Variants in EYS observed in about 807,000 individuals in gnomAD.
EYS encodes protein eyes shut homolog.
Under a neutral mutation model 282.1 loss-of-function variants are expected in EYS, and 250 were observed. The ratio of observed to expected loss-of-function variants is 0.89; its 90% CI spans 0.80 to 0.98. EYS has a LOEUF of 0.98. EYS is among the 50% of genes least tolerant of loss of function. EYS has a pLI of 0.00. For missense variants in EYS, 4,016 were observed against 3,709.0 expected (o/e 1.08, Z -2.15); for synonymous variants, 1,355 against 1,282.9 (o/e 1.06, Z -1.20).
At chr6:64,476,059 A>G (rs559099217) in intron 26 of EYS, among the ~76,000 whole-genome samples, 8 of 152,212 alleles carry the variant, frequency 5.3e-5, no homozygotes, top group Admixed American at 1.3e-4. Context: ...CCAAAGTGCT[A>G]GGATTACAGG....
intron 26 of EYS, among the ~76,000 whole-genome samples, chr6:64,440,893 T>C: frequency 6.6e-6 from 1 of 152,230 alleles, no homozygotes; most frequent in East Asian, 1.9e-4. Flanking sequence ...ATGGATGAAT[T>C]TCACTCATCA....
intron 31 of EYS, among the ~76,000 whole-genome samples, chr6:64,202,865 G>A (rs528091621): frequency 7.2e-5 from 11 of 152,294 alleles, no homozygotes; most frequent in Middle Eastern, 3.4e-3. Context: ...CCAATAGCTG[G>A]AAAAGGCAAG....
At chr6:64,632,890 G>A (rs1317164744) in intron 22 of EYS, among the ~76,000 whole-genome samples, 1 of 151,970 alleles carries the variant, frequency 6.6e-6, no homozygotes, top group African/African-American at 2.4e-5. Context: ...TAAAAATACA[G>A]GTATTTTAAA....
At chr6:65,604,495 C>A (rs1187558561) in intron 2 of EYS, among the ~76,000 whole-genome samples, 1 of 151,838 alleles carries the variant, frequency 6.6e-6, no homozygotes, top group Non-Finnish European at 1.5e-5. Flanking sequence ...TACAAACTAT[C>A]CACATGAGTA....
chr6:64,901,416 G>A (rs909577259), intron 18 of EYS, among the ~76,000 whole-genome samples: 64 of 151,248 alleles, frequency 4.2e-4, no homozygotes, highest in African/African-American at 1.4e-3. Context: ...AATGCAGGGA[G>A]ACTACAATAA....
intron 35 of EYS, among the ~76,000 whole-genome samples, chr6:63,944,365 A>C (rs1765330474): frequency 6.6e-6 from 1 of 152,244 alleles, no homozygotes; most frequent in African/African-American, 2.4e-5. Context: ...AGAGACTGTT[A>C]GTACATTTTA....
intron 12 of EYS, among the ~76,000 whole-genome samples, chr6:65,125,065 C>T (rs1222735879): frequency 6.6e-6 from 1 of 152,148 alleles, no homozygotes; most frequent in Non-Finnish European, 1.5e-5. Flanking sequence ...TAGGAAGGGT[C>T]ATTTGTCTAA....
intron 30 of EYS, among the ~76,000 whole-genome samples, chr6:64,286,800 A>G (rs1324812314): frequency 6.6e-6 from 1 of 152,192 alleles, no homozygotes; most frequent in African/African-American, 2.4e-5. Flanking sequence ...TGACATTGTT[A>G]ATATTTTCAT....
chr6:65,455,192 C>T lies in EYS; in HGVS notation c.862+35402G>A, dbSNP rs1319444669. ...TGATTTCTTTTATAAAAATTTTATA[C>T]TTTTCAGTTTAGAGATCTTTCTCCT... On this transcript the variant is annotated intron_variant, in intron 5 of 42. Coordinates refer to ENST00000503581, the MANE Select transcript of EYS (RefSeq NM_001142800.2). 3.3e-5 allele frequency among the ~76,000 whole-genome samples: 5 copies of T among 152,000 alleles called. No individual in the cohort carries two copies. In the East Asian group the frequency reaches 9.6e-4, roughly 29 times the overall value.
chr6:64,997,961 G>T lies in EYS; in HGVS notation c.2138-258C>A, dbSNP rs151005359. ...TACTATGGACATTTGGTAATAGTTT[G>T]CAAAGCAACAATGAAAATATCCAAT... On this transcript the variant is annotated intron_variant, in intron 13 of 42. Coordinates refer to ENST00000503581, the MANE Select transcript of EYS (RefSeq NM_001142800.2). Among the ~76,000 whole-genome samples, 23 of 151,966 alleles carry T rather than the reference G, an allele frequency of 1.5e-4. 1 individual carries two copies. In the East Asian group the frequency reaches 2.1e-3, roughly 14 times the overall value.
At chr6:64,200,092 A>G (rs887042138) in intron 31 of EYS, among the ~76,000 whole-genome samples, 2 of 152,192 alleles carry the variant, frequency 1.3e-5, no homozygotes, top group African/African-American at 4.8e-5. Context: ...GCTATAAACT[A>G]TATAATCCCA....
chr6:65,031,128 A>T (rs1772589052), intron 13 of EYS, among the ~76,000 whole-genome samples: 1 of 146,568 alleles, frequency 6.8e-6, no homozygotes, highest in South Asian at 2.1e-4. Flanking sequence ...CATATTATAT[A>T]TAATATTTTA....
intron 22 of EYS, among the ~76,000 whole-genome samples, chr6:64,809,009 G>C (rs180792337): frequency 6.6e-6 from 1 of 152,120 alleles, no homozygotes; most frequent in East Asian, 1.9e-4. Flanking sequence ...GTAAAAATAG[G>C]CTTTCATGGA....
chr6:65,637,270 C>T (rs1306921241), intron 2 of EYS, among the ~76,000 whole-genome samples: 1 of 151,984 alleles, frequency 6.6e-6, no homozygotes, highest in Non-Finnish European at 1.5e-5. Context: ...TCATTTAATC[C>T]TCACATTAAT....
At chr6:64,662,054 T>G (rs1769048257) in intron 22 of EYS, among the ~76,000 whole-genome samples, 1 of 151,648 alleles carries the variant, frequency 6.6e-6, no homozygotes, top group African/African-American at 2.4e-5. Flanking sequence ...TATGCAGCCA[T>G]AAAAAACGAT....
At chr6:64,266,587 C>A (rs557024612) in intron 30 of EYS, among the ~76,000 whole-genome samples, 1 of 152,018 alleles carries the variant, frequency 6.6e-6, no homozygotes, top group Non-Finnish European at 1.5e-5. Flanking sequence ...ACAACAACAA[C>A]AAAAAAGACA....
At chr6:64,347,476 G>A (rs910470579) in intron 29 of EYS, among the ~76,000 whole-genome samples, 1 of 151,288 alleles carries the variant, frequency 6.6e-6, no homozygotes, top group African/African-American at 2.4e-5. Flanking sequence ...GTATACATAT[G>A]ATGTATTAGA....
At chr6:64,652,959 A>G (rs1768616032) in intron 22 of EYS, among the ~76,000 whole-genome samples, 1 of 152,180 alleles carries the variant, frequency 6.6e-6, no homozygotes, top group Non-Finnish European at 1.5e-5. Flanking sequence ...TAGGGGTTGA[A>G]TTCTGTCTCT....
intron 2 of EYS, among the ~76,000 whole-genome samples, chr6:65,634,331 A>G (rs1354227087): frequency 6.6e-6 from 1 of 152,212 alleles, no homozygotes; most frequent in Non-Finnish European, 1.5e-5. Context: ...TTACTTGATT[A>G]TAATTTAAAA....
Sources: allele counts gnomAD v4.1 joint callset (sites outside exome capture counted in the v4.1 genomes callset), GRCh38; gene constraint gnomAD v4.1.1; transcripts MANE v1.5; gene names NCBI Gene and HGNC (gene_info 2026-07-23, HGNC 2026-07-21).